FGD4: variants seen among roughly 807,000 people sequenced by gnomAD.
FGD4 encodes the protein FYVE, RhoGEF and PH domain containing 4, also known as FYVE, RhoGEF and PH domain-containing protein 4.
A neutral mutation model predicts 102.0 loss-of-function variants in FGD4; 42 were observed. That is an observed-to-expected ratio of 0.41 (90% CI 0.32 to 0.53). The LOEUF (loss-of-function observed/expected upper bound fraction) is 0.53. Ranked by LOEUF, FGD4 falls within the 20% of genes least tolerant of loss-of-function variation. The pLI, the probability that FGD4 is intolerant of heterozygous loss-of-function variation, is 0.21. For synonymous variants in FGD4, 380 were observed against 375.7 expected, an observed-to-expected ratio of 1.01 and a Z score of -0.13; for missense variants, 902 against 1,078.2, an observed-to-expected ratio of 0.84 and a Z score of 2.29.
At chr12:32,495,323 C>T (rs2088809) in intron 1 of FGD4, among the ~76,000 whole-genome samples, 75,571 of 151,928 alleles carry the variant, frequency 0.5, 19,864 homozygotes, top group Middle Eastern at 0.67. Flanking sequence ...AATCATGATT[C>T]GCCCCATATT....
chr12:32,405,486 C>G (rs150331306), intron 1 of FGD4, among the ~76,000 whole-genome samples: 9,511 of 151,390 alleles, frequency 0.063, 424 homozygotes, highest in Middle Eastern at 0.14. Flanking sequence ...CTCGAACTCC[C>G]GACCTCAGGT....
At chr12:32,535,317 A>ATGT (rs1942152585) in intron 1 of FGD4, among the ~76,000 whole-genome samples, 1 of 152,196 alleles carries the variant, frequency 6.6e-6, no homozygotes, top group South Asian at 2.1e-4. Flanking sequence ...CACAGTTACC[A>ATGT]GTATTCTTTC....
chr12:32,534,202 C>G, intron 1 of FGD4: 3 of 810,282 alleles, frequency 3.7e-6, no homozygotes, highest in Non-Finnish European at 1.6e-6. Context: ...ATAGAAGTCT[C>G]TCTGTGCTCA....
At chr12:32,627,645 T>A (rs924451396) in intron 14 of FGD4, among the ~76,000 whole-genome samples, 2 of 152,128 alleles carry the variant, frequency 1.3e-5, no homozygotes, top group African/African-American at 4.8e-5. Context: ...AATTTACAGT[T>A]ATAAATTTAA....
At chr12:32,530,946 T>G (rs1018346313) in intron 1 of FGD4, among the ~76,000 whole-genome samples, 1 of 121,584 alleles carries the variant, frequency 8.2e-6, no homozygotes, top group Non-Finnish European at 1.7e-5. Context: ...CTTTGGTTTT[T>G]TTTTTTTTTT....
intron 14 of FGD4, among the ~76,000 whole-genome samples, chr12:32,627,152 C>A (rs1376185524): frequency 3.6e-5 from 5 of 138,598 alleles, no homozygotes; most frequent in Admixed American, 3.0e-4. Flanking sequence ...CGGCTAAATA[C>A]ATTTTTTTTC....
chr12:32,404,091 T>TA (rs1940818057), intron 1 of FGD4, among the ~76,000 whole-genome samples: 1 of 151,738 alleles, frequency 6.6e-6, no homozygotes, highest in African/African-American at 2.4e-5. Context: ...GGGTTCTTTT[T>TA]TTTTTTTGCT....
chr12:32,624,331 G>T (rs1950020890), intron 11 of FGD4, 91 bp from the exon 12 acceptor site: 59 of 1,040,788 alleles, frequency 5.7e-5, no homozygotes, highest in Non-Finnish European at 8.5e-5. Flanking sequence ...GAATTTTCCA[G>T]AAAGTTGGAA....
intron 1 of FGD4, among the ~76,000 whole-genome samples, chr12:32,493,912 G>T (rs1173972552): frequency 1.3e-5 from 2 of 152,212 alleles, no homozygotes; most frequent in East Asian, 3.9e-4. Flanking sequence ...CTCACCTGAG[G>T]AAGTGGCGTT....
chr12:32,511,868 C>CA (rs1373247493), intron 1 of FGD4: 1 of 152,048 alleles, frequency 6.6e-6, no homozygotes, highest in African/African-American at 2.4e-5. Context: ...GGAATGTGCT[C>CA]AATCTCATCT....
chr12:32,589,304 T>C (rs1374331316), intron 4 of FGD4, among the ~76,000 whole-genome samples: 1 of 152,230 alleles, frequency 6.6e-6, no homozygotes, highest in Non-Finnish European at 1.5e-5. Flanking sequence ...GCACCTCTCT[T>C]TCGGTTCTCC....
intron 1 of FGD4, among the ~76,000 whole-genome samples, chr12:32,447,787 G>C (rs1345611710): frequency 6.6e-6 from 1 of 152,216 alleles, no homozygotes; most frequent in African/African-American, 2.4e-5. Context: ...CAAAAATGCT[G>C]TCCCTCCCTT....
intron 10 of FGD4, among the ~76,000 whole-genome samples, chr12:32,614,515 T>TG (rs1363218786): frequency 2.0e-5 from 3 of 152,166 alleles, no homozygotes; most frequent in African/African-American, 7.2e-5. Flanking sequence ...TGAGATGACT[T>TG]GGAGAAAACT....
At chr12:32,438,983 G>A (rs958048679) in intron 1 of FGD4, among the ~76,000 whole-genome samples, 2 of 152,054 alleles carry the variant, frequency 1.3e-5, no homozygotes, top group Non-Finnish European at 2.9e-5. Flanking sequence ...TTTTTTGATC[G>A]AGCTAATTAA....
intron 1 of FGD4, among the ~76,000 whole-genome samples, chr12:32,498,215 G>C (rs1937942527): frequency 6.6e-6 from 1 of 152,224 alleles, no homozygotes; most frequent in East Asian, 1.9e-4. Context: ...CAGGGGTGCT[G>C]TCTGCAGAGT....
At chr12:32,558,511 T>C (rs1319442600) in intron 1 of FGD4, among the ~76,000 whole-genome samples, 1 of 152,190 alleles carries the variant, frequency 6.6e-6, no homozygotes, top group African/African-American at 2.4e-5. Context: ...ATCAGAGAAC[T>C]GAGTGGATTT....
intron 1 of FGD4, among the ~76,000 whole-genome samples, chr12:32,438,502 T>C (rs1247896143): frequency 6.6e-6 from 1 of 152,154 alleles, no homozygotes; most frequent in Non-Finnish European, 1.5e-5. Context: ...GAGAGGTATG[T>C]GAATGTATCT....
chr12:32,601,212 C>A, intron 5 of FGD4, 66 bp from the exon 6 acceptor site: 1 of 1,542,206 alleles, frequency 6.5e-7, no homozygotes, highest in Non-Finnish European at 8.9e-7. Context: ...CCACTATGTG[C>A]CTAGCACAGT....
intron 1 of FGD4, among the ~76,000 whole-genome samples, chr12:32,455,972 T>G (rs1435809635): frequency 6.6e-6 from 1 of 152,148 alleles, no homozygotes; most frequent in Non-Finnish European, 1.5e-5. Context: ...AAAGTAATCA[T>G]TTCAGTGGAC....
Sources: allele counts gnomAD v4.1 joint callset (sites outside exome capture counted in the v4.1 genomes callset), GRCh38; gene constraint gnomAD v4.1.1; transcripts MANE v1.5; gene names NCBI Gene and HGNC (gene_info 2026-07-23, HGNC 2026-07-21).